Variants in TNRC6A observed in about 807,000 individuals in gnomAD.
TNRC6A encodes trinucleotide repeat containing adaptor 6A, also known as trinucleotide repeat-containing gene 6A protein.
A neutral mutation model predicts 221.2 loss-of-function variants in TNRC6A; 44 were observed. That is an observed-to-expected ratio of 0.20 (90% CI 0.16 to 0.26). TNRC6A has a LOEUF of 0.26. TNRC6A is among the 10% of genes least tolerant of loss of function. The pLI, the probability that TNRC6A is intolerant of heterozygous loss-of-function variation, is 1.00. For synonymous variants in TNRC6A, 847 were observed against 838.5 expected, an observed-to-expected ratio of 1.01 and a Z score of -0.18; for missense variants, 2,199 against 2,404.4, an observed-to-expected ratio of 0.91 and a Z score of 1.79.
chr16:24,694,430 T>C (rs2055816750), intron 2 of TNRC6A, among the ~76,000 whole-genome samples: 2 of 151,704 alleles, frequency 1.3e-5, no homozygotes, highest in South Asian at 4.2e-4. Flanking sequence ...CCGAGGCCGG[T>C]GGATCACGAG....
chr16:24,790,191 T>C lies in TNRC6A; in HGVS notation c.1549T>C (p.Ser517Pro), dbSNP rs2058067915. 1.2e-6 allele frequency: 2 copies of C among 1,614,098 alleles called. No homozygotes were observed. Among genetic ancestry groups the C allele is most frequent in the Non-Finnish European group, 1.7e-6 (2 of 1,180,052 alleles). ...LSNGESKSGG[S>P]YGTTWGAYGS... ...CAATGGAGAGTCAAAAAGTGGAGGCTCTTATGGTACTACATGGGGTGCCTA... is the reference window on the plus strand; with the variant it reads ...CAATGGAGAGTCAAAAAGTGGAGGCCCTTATGGTACTACATGGGGTGCCTA... Residue 517 changes from serine to proline, a missense_variant, in exon 6 of 25, where the codon TCT (serine) becomes CCT (proline). By Grantham distance (74) the Ser-to-Pro change is moderately conservative. Coordinates refer to ENST00000395799, the MANE Select transcript of TNRC6A (RefSeq NM_014494.4).
At chr16:24,718,090 G>A (rs900730015) in intron 2 of TNRC6A, among the ~76,000 whole-genome samples, 9 of 151,828 alleles carry the variant, frequency 5.9e-5, no homozygotes, top group African/African-American at 1.2e-4. Context: ...TTCATTCTTC[G>A]TATTCAACAA....
At chr16:24,658,386 C>G (rs984704354) in intron 2 of TNRC6A, among the ~76,000 whole-genome samples, 1 of 152,096 alleles carries the variant, frequency 6.6e-6, no homozygotes, top group Admixed American at 6.6e-5. Flanking sequence ...GAGGCAGAGT[C>G]TCACTCACTC....
chr16:24,707,285 C>A (rs935652602), intron 2 of TNRC6A, among the ~76,000 whole-genome samples: 5 of 151,898 alleles, frequency 3.3e-5, no homozygotes, highest in Middle Eastern at 3.4e-3. Context: ...CATGTGCCAC[C>A]GCATCCAGCC....
At chr16:24,766,085 A>G (rs1186764400) in intron 4 of TNRC6A, among the ~76,000 whole-genome samples, 1 of 152,220 alleles carries the variant, frequency 6.6e-6, no homozygotes, top group East Asian at 1.9e-4. Flanking sequence ...AATAATTTTT[A>G]AAGTGGTTAA....
chr16:24,757,035 T>G lies in TNRC6A; in HGVS notation c.142-1304T>G, dbSNP rs187923571. 3.0e-4 allele frequency among the ~76,000 whole-genome samples: 45 copies of G among 152,360 alleles called. No homozygotes were observed. The East Asian group carries it at 4.8e-3, about 16-fold the overall frequency. ...ATACTAACTTCTCTCTAATAAGACTTGTTTTTCTACTCTCAGATTTTAAAA... is the reference window on the plus strand; with the variant it reads ...ATACTAACTTCTCTCTAATAAGACTGGTTTTTCTACTCTCAGATTTTAAAA... On this transcript the variant is annotated intron_variant, in intron 3 of 24. Coordinates refer to ENST00000395799, the MANE Select transcript of TNRC6A (RefSeq NM_014494.4).
At chr16:24,615,089 A>C (rs1028213964) in intron 1 of TNRC6A, among the ~76,000 whole-genome samples, 2 of 152,200 alleles carry the variant, frequency 1.3e-5, no homozygotes, top group Non-Finnish European at 2.9e-5. Context: ...GTAATTTTTA[A>C]AATAAATTAA....
In TNRC6A at chr16:24,708,431, C is replaced by T. The variant is rs527685468; in HGVS notation, n.403-42295C>T. ...AATTTTTTTGTATTTTTAGTAGAGA[C>T]GGGGTTTCACCATGTTAGCCAGGAT... On this transcript the variant is annotated intron_variant and non_coding_transcript_variant, in intron 2 of 2. Transcript: ENST00000566108. Among the ~76,000 whole-genome samples, 8 of 151,914 alleles carry T rather than the reference C, an allele frequency of 5.3e-5. 1 individual carries two copies. In the South Asian group the frequency reaches 1.0e-3, roughly 20 times the overall value.
intron 17 of TNRC6A, among the ~76,000 whole-genome samples, chr16:24,808,656 A>G (rs1291688231): frequency 6.6e-6 from 1 of 152,264 alleles, no homozygotes; most frequent in Non-Finnish European, 1.5e-5. Flanking sequence ...CAGGTTTGAC[A>G]GACCTTAACA....
intron 2 of TNRC6A, among the ~76,000 whole-genome samples, chr16:24,673,441 C>T (rs1217220575): frequency 1.3e-5 from 2 of 152,164 alleles, no homozygotes; most frequent in Non-Finnish European, 1.5e-5. Context: ...GCCTGTAGGT[C>T]CACTTTGCAA....
chr16:24,814,385 A>ATTTTTTTCTTTTCTTTTTTTTTTC (rs2058609550), intron 18 of TNRC6A, among the ~76,000 whole-genome samples: 4 of 110,922 alleles, frequency 3.6e-5, no homozygotes, highest in African/African-American at 1.5e-4. Flanking sequence ...TTCTGGTGTC[A>ATTTTTTTCTTTTCTTTTTTTTTTC]TTTTTTTCTT....
chr16:24,820,491 G>C, intron 22 of TNRC6A, 131 bp downstream of exon 22: 1 of 787,432 alleles, frequency 1.3e-6, no homozygotes, highest in South Asian at 1.7e-5. Context: ...TGAGAACTTC[G>C]GTAAACAAAT....
intron 2 of TNRC6A, among the ~76,000 whole-genome samples, chr16:24,730,671 TC>T (rs1182072756): frequency 6.6e-6 from 1 of 150,708 alleles, no homozygotes; most frequent in Non-Finnish European, 1.5e-5. Context: ...TGTTTTGGCT[TC>T]CCCGTTATTA....
At chr16:24,621,557 C>T (rs908398033) in intron 1 of TNRC6A, among the ~76,000 whole-genome samples, 3 of 151,874 alleles carry the variant, frequency 2.0e-5, no homozygotes, top group African/African-American at 4.8e-5. Flanking sequence ...GGGGTTTCAT[C>T]GTGTTGTCCA....
Position 24,729,687 on chromosome 16 carries a change from G to GTGTCGGCGGCGGCGGTGTCGGTGT in TNRC6A, c.-155_-154insTGTCGGCGGCGGCGGTGTCGGTGT, listed in dbSNP as rs577598452. ...GGGGCCTGCGGCGGCGGCGGTGTCG[G>GTGTCGGCGGCGGCGGTGTCGGTGT]CGGCGGCGGCGGCGGCGGCGGCGGC... On this transcript the variant is annotated 5_prime_UTR_variant, in exon 1 of 25. Transcript: ENST00000395799. 7.5e-6 allele frequency: 2 copies of GTGTCGGCGGCGGCGGTGTCGGTGT among 266,118 alleles called. No individual in the cohort carries two copies. The highest frequency in any genetic ancestry group is 7.6e-5 in the East Asian group (1 of 13,128). 16.5% of individuals were successfully genotyped at this position (266,118 alleles called of 1,614,324 possible).
At chr16:24,625,390 G>A (rs1441883233) in intron 1 of TNRC6A, among the ~76,000 whole-genome samples, 3 of 152,130 alleles carry the variant, frequency 2.0e-5, no homozygotes, top group Non-Finnish European at 2.9e-5. Flanking sequence ...AAGGCGGGCG[G>A]ATCACAAGGT....
At chr16:24,611,761 A>G (rs2033217) in intron 1 of TNRC6A, among the ~76,000 whole-genome samples, 14,298 of 152,204 alleles carry the variant, frequency 0.094, 854 homozygotes, top group Non-Finnish European at 0.13. Context: ...TATTACATAT[A>G]TTAGTTGAAC....
chr16:24,720,260 G>A (rs2056385436), intron 2 of TNRC6A, among the ~76,000 whole-genome samples: 1 of 152,066 alleles, frequency 6.6e-6, no homozygotes, highest in Admixed American at 6.6e-5. Flanking sequence ...ACATTAGCCA[G>A]GCATGGCAGC....
At chr16:24,753,147 A>G (rs1030479182) in intron 3 of TNRC6A, among the ~76,000 whole-genome samples, 11 of 152,212 alleles carry the variant, frequency 7.2e-5, no homozygotes, top group Admixed American at 2.6e-4. Context: ...GTAACACATG[A>G]GTGGTGATTA....
Sources: allele counts gnomAD v4.1 joint callset (sites outside exome capture counted in the v4.1 genomes callset), GRCh38; gene constraint gnomAD v4.1.1; transcripts MANE v1.5; gene names NCBI Gene and HGNC (gene_info 2026-07-23, HGNC 2026-07-21).